The following FGF10 variants were observed in gnomAD, a reference collection of about 807,000 sequenced individuals.
FGF10 encodes FGF-10.
A neutral mutation model predicts 19.8 loss-of-function variants in FGF10; 2 were observed. The observed-to-expected ratio is 0.10, with a 90% CI of 0.04 to 0.32. The LOEUF is 0.32. FGF10 is among the 10% of genes least tolerant of loss of function. The pLI is 1.00. For missense variants in FGF10, 191 were observed against 246.3 expected (o/e 0.78, Z 1.50); for synonymous variants, 112 against 94.0 (o/e 1.19, Z -1.10).
At chr5:44,344,269 C>A (rs1294987859) in intron 1 of FGF10, among the ~76,000 whole-genome samples, 5 of 151,828 alleles carry the variant, frequency 3.3e-5, no homozygotes, top group Non-Finnish European at 5.9e-5. Flanking sequence ...TTGCCACAGT[C>A]CAATTTTATG....
intron 1 of FGF10, among the ~76,000 whole-genome samples, chr5:44,321,741 G>A (rs1166070278): frequency 6.6e-6 from 1 of 152,038 alleles, no homozygotes; most frequent in Non-Finnish European, 1.5e-5. Flanking sequence ...AGTTCTGTGA[G>A]GAGACAGACA....
At chr5:44,314,900 C>T (rs577805942) in intron 1 of FGF10, among the ~76,000 whole-genome samples, 1 of 151,966 alleles carries the variant, frequency 6.6e-6, no homozygotes, top group South Asian at 2.1e-4. Flanking sequence ...AAGTATATGG[C>T]AAATAAAACT....
Position 44,303,549 on chromosome 5 carries a change from A to G in FGF10, c.*1446T>C, listed in dbSNP as rs963036010. On this transcript the variant is annotated 3_prime_UTR_variant, in exon 3 of 3. Coordinates refer to ENST00000264664, the MANE Select transcript of FGF10 (RefSeq NM_004465.2). The stretch of plus-strand genomic sequence containing the variant: ...ACTACAGACACTGCAAATAAGGCTT[A>G]TGTATTTATTTAGTGGAATACAATG... 6.6e-6 allele frequency: 1 copy of G among 152,202 alleles called. No homozygotes were observed. The highest frequency in any genetic ancestry group is 1.5e-5 in the Non-Finnish European group (1 of 68,022). The allele number at this position is 152,202 out of a possible 1,614,324, so 9.4% of individuals were successfully genotyped here.
chr5:44,318,441 C>T (rs773331122), intron 1 of FGF10, among the ~76,000 whole-genome samples: 1 of 152,064 alleles, frequency 6.6e-6, no homozygotes, highest in Non-Finnish European at 1.5e-5. Flanking sequence ...GAAATCCTGG[C>T]TTTTTGCCAG....
intron 1 of FGF10, among the ~76,000 whole-genome samples, chr5:44,364,678 A>T (rs1293681309): frequency 6.6e-6 from 1 of 151,976 alleles, no homozygotes; most frequent in Non-Finnish European, 1.5e-5. Context: ...TTTCTCACAT[A>T]CATAATGAAG....
intron 1 of FGF10, among the ~76,000 whole-genome samples, chr5:44,349,470 C>A (rs4050282): frequency 2.4e-4 from 6 of 24,786 alleles, no homozygotes; most frequent in African/African-American, 6.0e-4. Flanking sequence ...ATATATATAT[C>A]AGAATATATA....
chr5:44,321,109 C>T (rs1740475366), intron 1 of FGF10, among the ~76,000 whole-genome samples: 1 of 152,192 alleles, frequency 6.6e-6, no homozygotes, highest in African/African-American at 2.4e-5. Flanking sequence ...AACCACATTG[C>T]TACAGCTAAG....
At chr5:44,375,027 C>T (rs1014039244) in intron 1 of FGF10, among the ~76,000 whole-genome samples, 1 of 152,020 alleles carries the variant, frequency 6.6e-6, no homozygotes, top group African/African-American at 2.4e-5. Context: ...TTACTTCAAC[C>T]ATCATTTTAG....
At chr5:44,313,361 T>G (rs760110150) in intron 1 of FGF10, among the ~76,000 whole-genome samples, 37 of 152,070 alleles carry the variant, frequency 2.4e-4, no homozygotes, top group Non-Finnish European at 3.5e-4. Flanking sequence ...GTGAGGATGA[T>G]CAAGTTTGCC....
At chr5:44,374,018 C>G (rs564483458) in intron 1 of FGF10, among the ~76,000 whole-genome samples, 1 of 152,246 alleles carries the variant, frequency 6.6e-6, no homozygotes, top group African/African-American at 2.4e-5. Flanking sequence ...TCTATTCTCT[C>G]AATGTTCTGG....
At chr5:44,325,435 C>A (rs4409099) in intron 1 of FGF10, among the ~76,000 whole-genome samples, 1 of 151,830 alleles carries the variant, frequency 6.6e-6, no homozygotes, top group East Asian at 1.9e-4. Context: ...CACATGCACA[C>A]GTATGTTTAT....
rs1739990381 is a variant in FGF10, at chr5:44,302,584, T to C, written c.*2411A>G. On this transcript the variant is annotated 3_prime_UTR_variant, in exon 3 of 3. Transcript: ENST00000264664. ...TGTCTCACTAGGTTTCTCAGGCCTGTCTAGAACTCCTGGACTCAAGCCATC... is the reference window on the plus strand; with the variant it reads ...TGTCTCACTAGGTTTCTCAGGCCTGCCTAGAACTCCTGGACTCAAGCCATC... Among the ~76,000 whole-genome samples the C allele has an allele frequency of 3.3e-5, 5 of 152,030 alleles. No homozygotes were observed.
At chr5:44,374,107 G>A (rs907057437) in intron 1 of FGF10, among the ~76,000 whole-genome samples, 2 of 152,150 alleles carry the variant, frequency 1.3e-5, no homozygotes, top group African/African-American at 4.8e-5. Flanking sequence ...AGGTTCTAGG[G>A]AGACAATCTG....
chr5:44,375,907 A>G (rs1741844256), intron 1 of FGF10, among the ~76,000 whole-genome samples: 1 of 152,144 alleles, frequency 6.6e-6, no homozygotes, highest in Non-Finnish European at 1.5e-5. Flanking sequence ...TTTCTCATCT[A>G]AACATAGTAT....
chr5:44,347,404 C>T (rs1436970805), intron 1 of FGF10, among the ~76,000 whole-genome samples: 7 of 151,646 alleles, frequency 4.6e-5, no homozygotes, highest in Non-Finnish European at 1.0e-4. Flanking sequence ...GTAACTTTTG[C>T]CTAGTCTGGC....
chr5:44,384,365 A>G lies in FGF10; in HGVS notation c.325+3993T>C, dbSNP rs929357912. ...AAGAGAGAGTTTACCTAGAGAATAC[A>G]CTAACCTTGTCTGATATCATGTGGC... On this transcript the variant is annotated intron_variant, in intron 1 of 2. Transcript: ENST00000264664. 2.6e-5 allele frequency among the ~76,000 whole-genome samples: 4 copies of G among 152,158 alleles called. No individual in the cohort carries two copies. The South Asian group carries it at 6.2e-4, about 24-fold the overall frequency.
intron 1 of FGF10, among the ~76,000 whole-genome samples, chr5:44,338,776 G>T (rs897104556): frequency 6.6e-6 from 1 of 152,164 alleles, no homozygotes; most frequent in Admixed American, 6.5e-5. Flanking sequence ...TTAGCTGTTT[G>T]TGATTAATTT....
intron 2 of FGF10, 35 bp from the exon 3 acceptor site, chr5:44,305,227 G>C (rs765396280): frequency 6.3e-7 from 1 of 1,582,036 alleles, no homozygotes; most frequent in Non-Finnish European, 8.7e-7. Flanking sequence ...TATTCCTATG[G>C]TGATTGTACT....
intron 1 of FGF10, among the ~76,000 whole-genome samples, chr5:44,333,135 AAAGTT>A (rs1451753616): frequency 6.6e-6 from 1 of 152,136 alleles, no homozygotes; most frequent in Non-Finnish European, 1.5e-5. Context: ...TTCTTGAATC[AAAGTT>A]AAGATTTTAC....
Sources: allele counts gnomAD v4.1 joint callset (sites outside exome capture counted in the v4.1 genomes callset), GRCh38; gene constraint gnomAD v4.1.1; transcripts MANE v1.5; gene names NCBI Gene and HGNC (gene_info 2026-07-23, HGNC 2026-07-21).